EPM2A: variants seen among roughly 807,000 people sequenced by gnomAD.
EPM2A encodes the protein laforin.
Under a neutral mutation model 26.5 loss-of-function variants are expected in EPM2A, and 21 were observed. That is an observed-to-expected ratio of 0.79 (90% CI 0.56 to 1.14). The LOEUF is 1.14. EPM2A is among the 50% of genes most tolerant of loss of function. The pLI is 0.00. For missense variants in EPM2A, 458 were observed against 440.8 expected (o/e 1.04, Z -0.35); for synonymous variants, 217 against 177.6 (o/e 1.22, Z -1.76).
chr6:145,597,745 C>T (rs11759979), intron 2 of EPM2A, among the ~76,000 whole-genome samples: 56,132 of 151,868 alleles, frequency 0.37, 10,751 homozygotes, highest in South Asian at 0.51. Flanking sequence ...CTCAAGAAGG[C>T]CCCAGTGTCT....
At chr6:145,684,685 T>C (rs1780783034) in intron 2 of EPM2A, 1 of 152,194 alleles carries the variant, frequency 6.6e-6, no homozygotes, top group Non-Finnish European at 1.5e-5. Context: ...ATCAAATCAA[T>C]TTCCTTCCTG....
intron 2 of EPM2A, among the ~76,000 whole-genome samples, chr6:145,509,133 G>C (rs1780018685): frequency 6.6e-6 from 1 of 152,050 alleles, no homozygotes; most frequent in Non-Finnish European, 1.5e-5. Context: ...TCCTGAGAGA[G>C]AGAAGAAAAG....
chr6:145,603,482 T>C (rs1410212611), intron 2 of EPM2A, among the ~76,000 whole-genome samples: 1 of 152,192 alleles, frequency 6.6e-6, no homozygotes, highest in Non-Finnish European at 1.5e-5. Flanking sequence ...ACATCTGTTT[T>C]CCAAAACATT....
Position 145,455,342 on chromosome 6 carries a change from A to G in EPM2A, c.555+47180T>C, listed in dbSNP as rs150108230. Among the ~76,000 whole-genome samples the G allele has an allele frequency of 5.9e-3, 893 of 152,238 alleles. 12 individuals are homozygous for G. Among genetic ancestry groups the G allele is most frequent in the African/African-American group, 0.02 (847 of 41,544 alleles). On this transcript the variant is annotated intron_variant, in intron 4 of 4. Transcript: ENST00000638717. ...TTATATGATTTAGAATTTTCATTTTACAATATACAACTAAAAAAATTTTTT... is the reference window on the plus strand; with the variant it reads ...TTATATGATTTAGAATTTTCATTTTGCAATATACAACTAAAAAAATTTTTT...
chr6:145,490,576 T>C (rs958354151), intron 4 of EPM2A: 11 of 695,672 alleles, frequency 1.6e-5, no homozygotes, highest in Non-Finnish European at 2.5e-5. Flanking sequence ...TCCACCTTCT[T>C]CAAGATGGTA....
chr6:145,734,921 G>C (rs1006896698), intron 1 of EPM2A: 1 of 231,524 alleles, frequency 4.3e-6, no homozygotes, highest in Non-Finnish European at 8.3e-6. Flanking sequence ...CGGAAACCAG[G>C]TCAGAGGGGC....
chr6:145,713,607 G>A (rs1199736524), intron 1 of EPM2A, among the ~76,000 whole-genome samples: 1 of 152,142 alleles, frequency 6.6e-6, no homozygotes, highest in East Asian at 1.9e-4. Flanking sequence ...TGGAAAAACT[G>A]AAACTCATAC....
chr6:145,713,482 T>C (rs900281131), intron 1 of EPM2A, among the ~76,000 whole-genome samples: 1 of 152,106 alleles, frequency 6.6e-6, no homozygotes, highest in African/African-American at 2.4e-5. Context: ...AGCCAATAAG[T>C]ACCTGAAAAG....
At chr6:145,518,913 G>A (rs1780167517) in intron 2 of EPM2A, among the ~76,000 whole-genome samples, 1 of 149,510 alleles carries the variant, frequency 6.7e-6, no homozygotes, top group African/African-American at 2.5e-5. Context: ...AGTTGAGACT[G>A]AGTTGGGAGC....
intron 2 of EPM2A, among the ~76,000 whole-genome samples, chr6:145,577,090 C>G (rs746521209): frequency 6.6e-6 from 1 of 151,074 alleles, no homozygotes; most frequent in Non-Finnish European, 1.5e-5. Flanking sequence ...AAATCACTTA[C>G]GCACAAATAA....
rs1258825358 is a variant in EPM2A at position 145,662,346 on chromosome 6, T to C, written c.476+23776A>G. On this transcript the variant is annotated intron_variant, in intron 2 of 3. Transcript: ENST00000367519. ...ATTTTTCTAATTAATTTATCATTTT[T>C]GATATGCTGAATTTTCTTTCCTGAT... Among the ~76,000 whole-genome samples the C allele has an allele frequency of 1.3e-5, 2 of 152,260 alleles. 1 individual carries two copies. Among genetic ancestry groups the C allele is most frequent in the Admixed American group, 1.3e-4 (2 of 15,292 alleles).
chr6:145,384,212 T>G (rs190365920), intron 4 of EPM2A: 1 of 152,096 alleles, frequency 6.6e-6, no homozygotes, highest in Non-Finnish European at 1.5e-5. Context: ...TAAGGGAAAA[T>G]TGCAAGTCCC....
intron 1 of EPM2A, among the ~76,000 whole-genome samples, chr6:145,701,621 C>T (rs901475453): frequency 6.6e-6 from 1 of 152,152 alleles, no homozygotes; most frequent in African/African-American, 2.4e-5. Context: ...CTGGTTATAG[C>T]AATGATTCAT....
At chr6:145,702,156 G>A (rs866246041) in intron 1 of EPM2A, among the ~76,000 whole-genome samples, 7 of 152,002 alleles carry the variant, frequency 4.6e-5, no homozygotes, top group African/African-American at 1.5e-4. Context: ...ATTCTTCAGC[G>A]TCCTGCAATA....
At chr6:145,533,549 C>A (rs1780390865) in intron 2 of EPM2A, among the ~76,000 whole-genome samples, 1 of 152,150 alleles carries the variant, frequency 6.6e-6, no homozygotes, top group Non-Finnish European at 1.5e-5. Flanking sequence ...CATCCCCTAC[C>A]CCATGCTCCA....
chr6:145,435,902 A>C (rs931102995), intron 4 of EPM2A, among the ~76,000 whole-genome samples: 12 of 152,298 alleles, frequency 7.9e-5, no homozygotes, highest in South Asian at 6.2e-4. Context: ...AGCATCCCCC[A>C]AAAAGTGGTG....
chr6:145,735,251 G>A lies in EPM2A; in HGVS notation c.248C>T (p.Thr83Met), dbSNP rs780634800. 5 of 1,533,772 alleles carry A rather than the reference G, an allele frequency of 3.3e-6. No homozygotes were observed. The highest frequency in any genetic ancestry group is 1.4e-5 in the African/African-American group (1 of 70,754). The change falls in exon 1 of 4, where the codon ACG becomes ATG. Residue 83 changes from threonine to methionine, a missense_variant. Physicochemically the swap from Thr to Met is moderately conservative, Grantham distance 81 (BLOSUM62 -1). Transcript: ENST00000367519. Reference protein sequence around the residue: ...QDGAEPGRVDTFWYKFLKREP... With the variant: ...QDGAEPGRVDMFWYKFLKREP... ...CCGCTTCAGGAACTTGTACCAGAAC[G>A]TGTCCACGCGGCCCGGCTCCGCCCC...
chr6:145,718,255 T>C (rs1775750753), intron 1 of EPM2A, among the ~76,000 whole-genome samples: 2 of 150,174 alleles, frequency 1.3e-5, no homozygotes, highest in African/African-American at 2.5e-5. Context: ...AGCATGGTAC[T>C]GGTACCAAAA....
intron 2 of EPM2A, among the ~76,000 whole-genome samples, chr6:145,564,792 T>C (rs1582857646): frequency 6.9e-6 from 1 of 143,886 alleles, no homozygotes; most frequent in South Asian, 2.4e-4. Flanking sequence ...GCAGGGGGTG[T>C]GGAGGGAGCT....
Sources: allele counts gnomAD v4.1 joint callset (sites outside exome capture counted in the v4.1 genomes callset), GRCh38; gene constraint gnomAD v4.1.1; transcripts MANE v1.5; gene names NCBI Gene and HGNC (gene_info 2026-07-23, HGNC 2026-07-21).